The following WDR49 variants were observed in gnomAD, a reference collection of about 807,000 sequenced individuals.
The protein encoded by WDR49 is WD repeat domain 49.
WDR49 carries 107 observed loss-of-function variants against 119.5 expected under a neutral mutation model. The ratio of observed to expected loss-of-function variants is 0.90; its 90% CI spans 0.77 to 1.05. The LOEUF is 1.05. WDR49 is among the 50% of genes least tolerant of loss of function. The probability of loss-of-function intolerance (pLI) is 0.00; values close to 1 mark genes in which losing one functional copy is unlikely to be tolerated. For missense variants in WDR49, 1,240 were observed against 1,220.5 expected (o/e 1.02, Z -0.24); for synonymous variants, 425 against 418.8 (o/e 1.01, Z -0.18).
chr3:167,641,192 C>T (rs1012057103), intron 2 of WDR49, among the ~76,000 whole-genome samples: 45 of 151,950 alleles, frequency 3.0e-4, no homozygotes, highest in African/African-American at 1.1e-3. Context: ...TTCCATATCT[C>T]CAAGTCTGGA....
chr3:167,545,949 G>C (rs1712165255), intron 10 of WDR49, among the ~76,000 whole-genome samples: 1 of 151,612 alleles, frequency 6.6e-6, no homozygotes, highest in Non-Finnish European at 1.5e-5. Context: ...GATAAGGTAA[G>C]ACAAATAAGG....
Position 167,527,812 on chromosome 3 carries a change from A to G in WDR49, c.2604+8T>C, listed in dbSNP as rs760196902. The G allele has an allele frequency of 1.4e-5, 23 of 1,611,100 alleles. No homozygotes were observed. In the Admixed American group the frequency reaches 3.9e-4, roughly 27 times the overall value. On this transcript the variant is annotated splice_region_variant and intron_variant, in intron 15 of 18. Transcript: ENST00000682715. ...AATACTAGAATAATAAAGAAGCAAT[A>G]TTTCTACCTGACCAAAGATCCAAAC...
chr3:167,538,749 C>T lies in WDR49; in HGVS notation c.1824-1749G>A, dbSNP rs534033866. ...ATTACTGATCAACTGCCATGAAAGGCCAGCATAGAAATCAAAGAAGGCTGA... is the reference window on the plus strand; with the variant it reads ...ATTACTGATCAACTGCCATGAAAGGTCAGCATAGAAATCAAAGAAGGCTGA... On this transcript the variant is annotated intron_variant, in intron 10 of 18. Coordinates refer to ENST00000682715, the MANE Select transcript of WDR49 (RefSeq NM_001366157.1). Among the ~76,000 whole-genome samples, 43 of 152,192 alleles carry T rather than the reference C, an allele frequency of 2.8e-4. 1 individual carries two copies. In the South Asian group the frequency reaches 7.3e-3, roughly 26 times the overall value.
chr3:167,620,569 G>A lies in WDR49; in HGVS notation c.818C>T (p.Ser273Phe). 1.3e-6 allele frequency: 2 copies of A among 1,535,036 alleles called. No individual in the cohort carries two copies. The highest frequency in any genetic ancestry group is 1.7e-6 in the Non-Finnish European group (2 of 1,146,262). ...QAIAFTAALI[S>F]LFERPASACE... ...TGCACTAGCAGGCCGTTCAAACAGGGAAATCAAGGCTGCGGTGAAAGCAAT... is the reference window on the plus strand; with the variant it reads ...TGCACTAGCAGGCCGTTCAAACAGGAAAATCAAGGCTGCGGTGAAAGCAAT... Residue 273 changes from serine to phenylalanine, a missense_variant, in exon 5 of 19, where the codon TCC (serine) becomes TTC (phenylalanine). Physicochemically the swap from Ser to Phe is radical, Grantham distance 155 (BLOSUM62 -2). Transcript: ENST00000682715.
At chr3:167,494,395 A>T (rs980823027) in intron 18 of WDR49, among the ~76,000 whole-genome samples, 1 of 152,126 alleles carries the variant, frequency 6.6e-6, no homozygotes, top group Non-Finnish European at 1.5e-5. Context: ...CTTGTTTTAA[A>T]CATTTCAACA....
chr3:167,498,988 C>A (rs1751461629), intron 18 of WDR49, among the ~76,000 whole-genome samples: 1 of 152,048 alleles, frequency 6.6e-6, no homozygotes, highest in South Asian at 2.1e-4. Context: ...ATTTTCTGAG[C>A]CCCCAAAAGA....
chr3:167,583,879 T>C (rs1367621547), intron 7 of WDR49, among the ~76,000 whole-genome samples: 1 of 152,114 alleles, frequency 6.6e-6, no homozygotes, highest in African/African-American at 2.4e-5. Flanking sequence ...AACTATATAT[T>C]AGTAACAGTA....
intron 7 of WDR49, among the ~76,000 whole-genome samples, chr3:167,576,380 G>T (rs1238857234): frequency 1.3e-5 from 2 of 152,110 alleles, no homozygotes; most frequent in Non-Finnish European, 2.9e-5. Flanking sequence ...TTCTATTTCA[G>T]TCCCTGGTAT....
intron 10 of WDR49, among the ~76,000 whole-genome samples, chr3:167,551,417 A>G (rs758614842): frequency 9.2e-5 from 14 of 152,054 alleles, no homozygotes; most frequent in African/African-American, 2.4e-4. Context: ...GTTTCTTCAT[A>G]TGTACTGATT....
intron 16 of WDR49, among the ~76,000 whole-genome samples, chr3:167,509,971 T>A (rs1199141914): frequency 6.6e-6 from 1 of 152,238 alleles, no homozygotes. Context: ...ATTTTTTCAT[T>A]GTTGTAAGTA....
Position 167,629,989 on chromosome 3 carries a change from A to G in WDR49, c.166-2697T>C, listed in dbSNP as rs1474960882. Among the ~76,000 whole-genome samples, 3 of 152,152 alleles carry G rather than the reference A, an allele frequency of 2.0e-5. No individual in the cohort carries two copies. The East Asian group carries it at 5.8e-4, about 29-fold the overall frequency. ...GCTATACACATGGTTGAATGACAAC[A>G]AAGATGTAGACTATTAAATAAACTT... On this transcript the variant is annotated intron_variant, in intron 2 of 18. Coordinates refer to ENST00000682715, the MANE Select transcript of WDR49 (RefSeq NM_001366157.1).
chr3:167,504,433 G>A (rs879375869), intron 17 of WDR49, among the ~76,000 whole-genome samples: 1 of 152,176 alleles, frequency 6.6e-6, no homozygotes, highest in Admixed American at 6.5e-5. Context: ...TTTCAGACTT[G>A]CCTGGAGCCT....
chr3:167,620,639 C>T lies in WDR49; in HGVS notation c.784-36G>A, dbSNP rs76270293. The T allele has an allele frequency of 7.7e-4, 1,152 of 1,494,364 alleles. 8 individuals are homozygous for T. The African/African-American group carries it at 0.011, about 15-fold the overall frequency. 92.6% of individuals were successfully genotyped at this position (1,494,364 alleles called of 1,614,324 possible). A position where few individuals can be genotyped will look rare whatever the true frequency, so the allele number is the denominator to read the frequency against. The stretch of plus-strand genomic sequence containing the variant: ...ACATTGAAAGAACAACAATCGTGGA[C>T]GGGATATTTGTTGCAAGAAGATTCT... On this transcript the variant is annotated intron_variant, in intron 4 of 18. Transcript: ENST00000682715.
chr3:167,631,923 T>A (rs1449052702), intron 2 of WDR49, among the ~76,000 whole-genome samples: 1 of 152,112 alleles, frequency 6.6e-6, no homozygotes, highest in African/African-American at 2.4e-5. Context: ...AAATAATTGA[T>A]ATCGAGCCCT....
chr3:167,480,495 C>G (rs1294531907), intron 18 of WDR49, among the ~76,000 whole-genome samples: 1 of 152,102 alleles, frequency 6.6e-6, no homozygotes, highest in Non-Finnish European at 1.5e-5. Flanking sequence ...GAAACAAAAA[C>G]TTTCCACTTC....
chr3:167,517,155 A>T lies in WDR49; in HGVS notation c.2774+5160T>A, dbSNP rs118109189. Reference sequence around the variant, plus strand: ...TAGTACTCTTGACATTCTTGACAGAATTAGAAAAAAACTATTTTAAAATTC... The same window carrying T: ...TAGTACTCTTGACATTCTTGACAGATTTAGAAAAAAACTATTTTAAAATTC... On this transcript the variant is annotated intron_variant, in intron 16 of 18. Transcript: ENST00000682715. 1.6e-3 allele frequency among the ~76,000 whole-genome samples: 237 copies of T among 152,266 alleles called. 4 individuals are homozygous for T. In the East Asian group the frequency reaches 0.031, roughly 20 times the overall value.
intron 16 of WDR49, among the ~76,000 whole-genome samples, chr3:167,508,988 T>C (rs6801710): frequency 0.026 from 4,016 of 152,258 alleles, 174 homozygotes; most frequent in African/African-American, 0.092. Flanking sequence ...CTCCTAACAA[T>C]AACATGGAAT....
intron 2 of WDR49, chr3:167,633,337 G>C (rs1337007760): frequency 4.9e-6 from 2 of 411,912 alleles, no homozygotes; most frequent in Admixed American, 5.7e-5. Flanking sequence ...TATTCAAACT[G>C]TTTCAGCTGC....
chr3:167,605,050 A>C (rs551552430), intron 5 of WDR49, among the ~76,000 whole-genome samples: 1 of 151,000 alleles, frequency 6.6e-6, no homozygotes, highest in East Asian at 1.9e-4. Flanking sequence ...GTGTGTGTAC[A>C]TATACATATG....
Sources: gnomAD v4.1 joint callset for allele counts (sites outside exome capture counted in the v4.1 genomes callset) on GRCh38, gnomAD v4.1.1 for gene constraint, MANE v1.5 for transcripts, NCBI Gene and HGNC (gene_info 2026-07-23, HGNC 2026-07-21) for gene names.